The following DENND4C variants were observed in gnomAD, a reference collection of about 807,000 sequenced individuals.
The protein encoded by DENND4C is DENN domain containing 4C.
DENND4C carries 108 observed loss-of-function variants against 203.0 expected under a neutral mutation model. That is an observed-to-expected ratio of 0.53 (90% CI 0.46 to 0.62). DENND4C has a LOEUF of 0.62. Ranked by LOEUF, DENND4C falls within the 20% of genes least tolerant of loss-of-function variation. The pLI, the probability that DENND4C is intolerant of heterozygous loss-of-function variation, is 0.00. For synonymous variants in DENND4C, 871 were observed against 792.4 expected (o/e 1.10, Z -1.67); for missense variants, 2,481 against 2,301.2 (o/e 1.08, Z -1.60).
intron 1 of DENND4C, among the ~76,000 whole-genome samples, chr9:19,273,796 T>C (rs1185627068): frequency 1.3e-5 from 2 of 152,020 alleles, no homozygotes; most frequent in African/African-American, 4.8e-5. Context: ...TGTAGAACAA[T>C]TGGAACTCTC....
chr9:19,345,368 G>T (rs1055112823), intron 22 of DENND4C, among the ~76,000 whole-genome samples: 1 of 152,138 alleles, frequency 6.6e-6, no homozygotes, highest in Non-Finnish European at 1.5e-5. Context: ...ACTAGTAGAC[G>T]TTTAGTATTT....
intron 1 of DENND4C, among the ~76,000 whole-genome samples, chr9:19,247,765 A>G (rs1325897316): frequency 2.0e-5 from 3 of 152,214 alleles, no homozygotes; most frequent in African/African-American, 4.8e-5. Flanking sequence ...AAAAAGAATT[A>G]TTGGTTTATT....
At position 19,316,423 on chromosome 9, in the gene DENND4C, T is replaced by G. The variant is rs765751386; in HGVS notation, c.1494T>G (p.Asp498Glu). ...TTTTGTTCTGATTTAATAGATCAGA[T>G]GAAAAGAAGAACATGAACTGGAAGC... ...DLDTNMLYVS[D>E]EKKNMNWKQL... The change falls in exon 11 of 33, where the codon GAT becomes GAG. Residue 498 changes from aspartate (D) to glutamate (E), a missense_variant. Physicochemically the swap from Asp to Glu is conservative, Grantham distance 45 (BLOSUM62 2). This residue lies in a region of DENND4C where 2,289 missense variants were observed against 2,113.3 expected (regional missense o/e 1.08). Transcript: ENST00000434457. 9 of 1,612,746 alleles carry G rather than the reference T, an allele frequency of 5.6e-6. 2 individuals are homozygous for G. The South Asian group carries it at 9.9e-5, about 18-fold the overall frequency.
chr9:19,257,158 T>C (rs949176566), intron 1 of DENND4C, among the ~76,000 whole-genome samples: 1 of 149,896 alleles, frequency 6.7e-6, no homozygotes, highest in African/African-American at 2.5e-5. Context: ...AGAATTAAAG[T>C]TTAAAAAAGA....
At chr9:19,310,839 T>C (rs1840597527) in intron 10 of DENND4C, among the ~76,000 whole-genome samples, 1 of 152,176 alleles carries the variant, frequency 6.6e-6, no homozygotes, top group Non-Finnish European at 1.5e-5. Context: ...GAGCATTTTC[T>C]CCTTTACTCT....
Position 19,342,656 on chromosome 9 carries a change from G to C in DENND4C, c.3028G>C (p.Val1010Leu), listed in dbSNP as rs140893978. 7.0e-5 allele frequency: 113 copies of C among 1,608,124 alleles called. No individual in the cohort carries two copies. Among genetic ancestry groups the C allele is most frequent in the Non-Finnish European group, 9.4e-5 (111 of 1,177,866 alleles). Residue 1010 changes from valine (V) to leucine (L), a missense_variant, in exon 22 of 33, where the codon GTG (valine) becomes CTG (leucine). Transcript: ENST00000434457. Reference protein sequence around the residue: ...TEEVCDASAIVAKHSQPSPEP... With the variant: ...TEEVCDASAILAKHSQPSPEP... ...AGAGGTGTGTGATGCCTCTGCTATT[G>C]TGGCAAAACATTCACAACCTAGTCC...
intron 16 of DENND4C, among the ~76,000 whole-genome samples, chr9:19,331,683 A>C (rs985537972): frequency 6.6e-6 from 1 of 152,234 alleles, no homozygotes; most frequent in African/African-American, 2.4e-5. Context: ...TGTAAAAGAC[A>C]TGAGCCATTC....
At chr9:19,252,209 T>G (rs534980830) in intron 1 of DENND4C, among the ~76,000 whole-genome samples, 18 of 152,202 alleles carry the variant, frequency 1.2e-4, no homozygotes, top group African/African-American at 2.6e-4. Flanking sequence ...AGCAGGCAAA[T>G]AGAGAGCTGG....
At chr9:19,339,807 T>C (rs1821214289) in intron 20 of DENND4C, among the ~76,000 whole-genome samples, 1 of 152,244 alleles carries the variant, frequency 6.6e-6, no homozygotes, top group Non-Finnish European at 1.5e-5. Context: ...TATCACTGTT[T>C]TCATATTTAG....
At chr9:19,308,543 G>T (rs1324970421) in intron 10 of DENND4C, among the ~76,000 whole-genome samples, 2 of 152,126 alleles carry the variant, frequency 1.3e-5, no homozygotes, top group African/African-American at 4.8e-5. Context: ...TGTAGAAATT[G>T]TATATATAAT....
chr9:19,264,143 C>T (rs929188122), intron 1 of DENND4C, among the ~76,000 whole-genome samples: 14 of 152,102 alleles, frequency 9.2e-5, no homozygotes, highest in African/African-American at 3.4e-4. Flanking sequence ...CTTTTCTTGG[C>T]TGGGAGACTT....
At chr9:19,236,256 C>T (rs1251361052) in intron 1 of DENND4C, among the ~76,000 whole-genome samples, 2 of 151,996 alleles carry the variant, frequency 1.3e-5, no homozygotes, top group Non-Finnish European at 2.9e-5. Context: ...AAATAAGCAC[C>T]GTAACTACAA....
At chr9:19,331,391 C>T (rs1317630973) in intron 16 of DENND4C, among the ~76,000 whole-genome samples, 5 of 151,996 alleles carry the variant, frequency 3.3e-5, no homozygotes, top group Admixed American at 2.6e-4. Flanking sequence ...TTAGTAGAGA[C>T]TGGGTTTCAC....
chr9:19,260,076 A>G (rs1828978159), intron 1 of DENND4C, among the ~76,000 whole-genome samples: 1 of 152,162 alleles, frequency 6.6e-6, no homozygotes, highest in South Asian at 2.1e-4. Context: ...TTGTGTTCCC[A>G]CTAACAGTGT....
chr9:19,289,567 G>T (rs971799286), intron 4 of DENND4C, among the ~76,000 whole-genome samples: 11 of 152,182 alleles, frequency 7.2e-5, no homozygotes, highest in African/African-American at 2.4e-4. Context: ...GGTGGCTCAC[G>T]CCTGTAATTC....
chr9:19,350,324 G>A (rs1379842578), intron 23 of DENND4C, among the ~76,000 whole-genome samples: 1 of 152,146 alleles, frequency 6.6e-6, no homozygotes, highest in Non-Finnish European at 1.5e-5. Context: ...CTAATAAATG[G>A]TGGAGAACAA....
chr9:19,340,682 A>G (rs2131916066), intron 20 of DENND4C, among the ~76,000 whole-genome samples: 1 of 152,316 alleles, frequency 6.6e-6, no homozygotes, highest in Admixed American at 6.5e-5. Context: ...ATTCTTACAG[A>G]GAAGTTAGCA....
intron 1 of DENND4C, among the ~76,000 whole-genome samples, chr9:19,274,410 C>G (rs1832427748): frequency 6.6e-6 from 1 of 152,104 alleles, no homozygotes; most frequent in Non-Finnish European, 1.5e-5. Context: ...ATTCTCCTGC[C>G]TCAGACTCCT....
chr9:19,325,995 A>G (rs929343582), intron 14 of DENND4C, 21 bp downstream of exon 14: 43 of 1,608,826 alleles, frequency 2.7e-5, no homozygotes, highest in Non-Finnish European at 3.6e-5. Flanking sequence ...CTTAGATTTT[A>G]AGGGTTGAAA....
Sources: gnomAD v4.1 joint callset for allele counts (sites outside exome capture counted in the v4.1 genomes callset) on GRCh38, gnomAD v4.1.1 for gene constraint, gnomAD v4.1.1 regional missense constraint, MANE v1.5 for transcripts, NCBI Gene and HGNC (gene_info 2026-07-23, HGNC 2026-07-21) for gene names.